ZNF827: variants seen among roughly 807,000 people sequenced by gnomAD.
The protein encoded by ZNF827 is zinc finger protein 827.
In ZNF827, 13 loss-of-function variants were observed where a neutral mutation model predicts 102.4. The ratio of observed to expected loss-of-function variants is 0.13; its 90% confidence interval spans 0.08 to 0.20. The LOEUF is 0.20. Among genes scored for constraint, ZNF827 ranks in the 10% least tolerant of loss-of-function variants. The probability of loss-of-function intolerance (pLI) is 1.00; values close to 1 mark genes in which losing one functional copy is unlikely to be tolerated. For synonymous variants in ZNF827, 523 were observed against 536.2 expected (o/e 0.98, Z 0.34); for missense variants, 1,103 against 1,344.4 (o/e 0.82, Z 2.81).
intron 1 of ZNF827, among the ~76,000 whole-genome samples, chr4:145,927,274 A>C (rs1197593308): frequency 1.3e-5 from 2 of 152,230 alleles, no homozygotes; most frequent in Non-Finnish European, 2.9e-5. Flanking sequence ...AGACAGTGTC[A>C]CTGCATGTGA....
chr4:145,903,069 A>G lies in ZNF827; in HGVS notation c.190T>C (p.Ser64Pro), dbSNP rs757752627. Residue 64 changes from serine (S) to proline (P), a missense_variant, in exon 2 of 15, where the codon TCC (serine) becomes CCC (proline). Ser to Pro is a moderately conservative substitution (Grantham distance 74, BLOSUM62 -1). Transcript: ENST00000508784. ...CCCAAGGAGGTGTCCGGGGACGTGG[A>G]CTGCTCCTGGATCCGGTCCTCCAGA... The part of the protein sequence containing the change: ...LSLEDRIQEQ[S>P]TSPDTSLGST... The G allele has an allele frequency of 8.1e-5, 130 of 1,614,156 alleles. No individual in the cohort carries two copies. Among genetic ancestry groups the G allele is most frequent in the Middle Eastern group, 4.9e-4 (3 of 6,062 alleles).
At chr4:145,904,662 A>G (rs1021655944) in intron 1 of ZNF827, among the ~76,000 whole-genome samples, 2 of 152,210 alleles carry the variant, frequency 1.3e-5, no homozygotes, top group Non-Finnish European at 2.9e-5. Flanking sequence ...ATAGGAGGTC[A>G]GAGAATATCA....
chr4:145,832,899 C>T (rs1223405411), intron 7 of ZNF827: 1 of 152,520 alleles, frequency 6.6e-6, no homozygotes, highest in Non-Finnish European at 1.5e-5. Context: ...ACCCTTATCT[C>T]CCTTTGCTGA....
intron 8 of ZNF827, among the ~76,000 whole-genome samples, chr4:145,783,709 T>A (rs1345013691): frequency 6.6e-6 from 1 of 152,218 alleles, no homozygotes; most frequent in Non-Finnish European, 1.5e-5. Context: ...CCTTCTCTTT[T>A]CCAGCCTTGA....
chr4:145,860,402 T>A (rs1201861491), intron 5 of ZNF827, among the ~76,000 whole-genome samples: 1 of 152,148 alleles, frequency 6.6e-6, no homozygotes. Flanking sequence ...AGGGGAAGTG[T>A]GTACATATGT....
intron 8 of ZNF827, among the ~76,000 whole-genome samples, chr4:145,781,279 A>G (rs894897506): frequency 1.3e-5 from 2 of 151,872 alleles, no homozygotes; most frequent in African/African-American, 4.8e-5. Flanking sequence ...TAACATCAGA[A>G]GAAAAAACTT....
intron 7 of ZNF827, chr4:145,830,504 T>C (rs1744105513): frequency 6.6e-6 from 1 of 152,190 alleles, no homozygotes; most frequent in Non-Finnish European, 1.5e-5. Context: ...TTTGAAAAGA[T>C]CAAATAAGAA....
chr4:145,818,034 G>A (rs890925407), intron 8 of ZNF827, among the ~76,000 whole-genome samples: 1 of 152,098 alleles, frequency 6.6e-6, no homozygotes, highest in Non-Finnish European at 1.5e-5. Context: ...AAATAGAAGA[G>A]AATACAATTA....
At chr4:145,766,818 A>G (rs1186959166) in intron 11 of ZNF827, among the ~76,000 whole-genome samples, 2 of 152,212 alleles carry the variant, frequency 1.3e-5, no homozygotes, top group African/African-American at 4.8e-5. Context: ...CACAATTTAC[A>G]GGGCATTAGG....
chr4:145,834,944 A>G (rs1163099250), intron 7 of ZNF827: 2 of 152,210 alleles, frequency 1.3e-5, no homozygotes, highest in Non-Finnish European at 2.9e-5. Context: ...TCTCCAGCAC[A>G]TAAGAACTTC....
intron 9 of ZNF827, among the ~76,000 whole-genome samples, chr4:145,776,756 T>TA (rs1410281101): frequency 4.6e-5 from 7 of 151,920 alleles, no homozygotes; most frequent in East Asian, 1.9e-4. Flanking sequence ...GGCCAAGAAA[T>TA]AAAAAAACTA....
At chr4:145,772,570 T>C (rs56769462) in intron 11 of ZNF827, among the ~76,000 whole-genome samples, 7,237 of 152,296 alleles carry the variant, frequency 0.048, 564 homozygotes, top group African/African-American at 0.16. Context: ...ATTTGCATAT[T>C]GTCTACGACT....
At chr4:145,909,727 T>C (rs1752132401) in intron 1 of ZNF827, among the ~76,000 whole-genome samples, 1 of 152,254 alleles carries the variant, frequency 6.6e-6, no homozygotes, top group Admixed American at 6.5e-5. Flanking sequence ...TCTGAATCAA[T>C]TTTATGATGC....
rs995281835 is a variant in ZNF827 at position 145,759,519 on chromosome 4, G to T, written c.*2097C>A. ...ACATGGAGGATACCACGATTAGCCAGAAGATCGGCAAAACACAATGGAAAC... is the reference window on the plus strand; with the variant it reads ...ACATGGAGGATACCACGATTAGCCATAAGATCGGCAAAACACAATGGAAAC... On this transcript the variant is annotated 3_prime_UTR_variant, in exon 15 of 15. Coordinates refer to ENST00000508784, the MANE Select transcript of ZNF827 (RefSeq NM_001306215.2). 1.4e-4 allele frequency: 22 copies of T among 152,180 alleles called. No homozygotes were observed. The highest frequency in any genetic ancestry group is 1.4e-3 in the Admixed American group (21 of 15,278). 9.4% of individuals were successfully genotyped at this position (152,180 alleles called of 1,614,324 possible).
intron 7 of ZNF827, among the ~76,000 whole-genome samples, chr4:145,829,493 G>C (rs941958543): frequency 7.2e-5 from 11 of 152,118 alleles, no homozygotes; most frequent in African/African-American, 2.7e-4. Context: ...GACCTAACAG[G>C]GTTTACAGAT....
At chr4:145,790,152 G>A (rs1473237919) in intron 8 of ZNF827, among the ~76,000 whole-genome samples, 1 of 152,146 alleles carries the variant, frequency 6.6e-6, no homozygotes, top group Non-Finnish European at 1.5e-5. Context: ...TTAGGTGACA[G>A]CAAATCTTTA....
At chr4:145,843,354 T>C (rs1375292326) in intron 7 of ZNF827, among the ~76,000 whole-genome samples, 1 of 152,166 alleles carries the variant, frequency 6.6e-6, no homozygotes, top group Non-Finnish European at 1.5e-5. Flanking sequence ...GGGCAAAAGA[T>C]CTAATTCGGA....
At chr4:145,928,904 C>T (rs905843699) in intron 1 of ZNF827, among the ~76,000 whole-genome samples, 3 of 152,130 alleles carry the variant, frequency 2.0e-5, no homozygotes, top group Non-Finnish European at 4.4e-5. Context: ...GGCAGACTGA[C>T]GAGCACATGC....
At chr4:145,904,976 T>G (rs116019836) in intron 1 of ZNF827, among the ~76,000 whole-genome samples, 2,575 of 152,304 alleles carry the variant, frequency 0.017, 82 homozygotes, top group African/African-American at 0.059. Flanking sequence ...AGGTGGGGAT[T>G]ATGAAGGCTC....
Sources: allele counts gnomAD v4.1 joint callset (sites outside exome capture counted in the v4.1 genomes callset), GRCh38; gene constraint gnomAD v4.1.1; transcripts MANE v1.5; gene names NCBI Gene and HGNC (gene_info 2026-07-23, HGNC 2026-07-21).